The following ALK variants were observed in gnomAD, a reference collection of about 807,000 sequenced individuals.
The protein encoded by ALK is ALK tyrosine kinase receptor.
ALK carries 74 observed loss-of-function variants against 163.1 expected under a neutral mutation model. The observed-to-expected ratio is 0.45, with a 90% CI of 0.38 to 0.55. ALK has a LOEUF of 0.55. ALK is among the 20% of genes least tolerant of loss of function. The pLI is 0.00. For synonymous variants in ALK, 960 were observed against 843.2 expected, an observed-to-expected ratio of 1.14 and a Z score of -2.40; for missense variants, 2,063 against 2,105.3, an observed-to-expected ratio of 0.98 and a Z score of 0.39.
Position 29,228,792 on chromosome 2 carries a change from CCAGGGGAGGG to C in ALK, c.2815+82_2815+91del, listed in dbSNP as rs372490690. On this transcript the variant is annotated intron_variant, in intron 16 of 28. Transcript: ENST00000389048. ...ACATCACAGTCCACACTTGGGCAGG[CCAGGGGAGGG>C]CAGGGGAGGGCAGGGCAGGGAGGTG... 6.4e-4 allele frequency: 552 copies of C among 860,438 alleles called. 8 individuals carry two copies. The East Asian group carries it at 9.2e-3, about 14-fold the overall frequency. The allele number at this position is 860,438 out of a possible 1,614,324, so 53.3% of individuals were successfully genotyped here. A position where few individuals can be genotyped will look rare whatever the true frequency, so the allele number is the denominator to read the frequency against.
At chr2:29,762,344 A>G (rs977462818) in intron 1 of ALK, among the ~76,000 whole-genome samples, 11 of 152,238 alleles carry the variant, frequency 7.2e-5, no homozygotes, top group African/African-American at 2.2e-4. Context: ...ACATTGTTCA[A>G]CTGTTTGACA....
chr2:29,674,964 A>G (rs1043479051), intron 3 of ALK, among the ~76,000 whole-genome samples: 1 of 146,084 alleles, frequency 6.8e-6, no homozygotes, highest in Non-Finnish European at 1.5e-5. Context: ...ATTTGCATAG[A>G]GGTGTTTGTA....
At chr2:29,543,835 G>C (rs1222817438) in intron 3 of ALK, among the ~76,000 whole-genome samples, 1 of 152,162 alleles carries the variant, frequency 6.6e-6, no homozygotes, top group Non-Finnish European at 1.5e-5. Flanking sequence ...TTGCTATTCA[G>C]AATTTGTTCC....
chr2:29,534,158 C>A (rs1313090021), intron 3 of ALK, among the ~76,000 whole-genome samples: 3 of 152,006 alleles, frequency 2.0e-5, no homozygotes, highest in Admixed American at 2.0e-4. Flanking sequence ...AATAGAGAGC[C>A]AGATATTTTG....
chr2:29,868,005 G>A (rs1666482228), intron 1 of ALK, among the ~76,000 whole-genome samples: 2 of 152,206 alleles, frequency 1.3e-5, no homozygotes, highest in African/African-American at 2.4e-5. Context: ...TGGAGAGCAA[G>A]GTGGCAGGAA....
chr2:29,546,383 C>T (rs576829320), intron 3 of ALK, among the ~76,000 whole-genome samples: 1 of 152,258 alleles, frequency 6.6e-6, no homozygotes, highest in East Asian at 1.9e-4. Flanking sequence ...TCCTTTTTCC[C>T]TAAGAGCTCA....
Position 29,748,048 on chromosome 2 carries a change from T to C in ALK, c.668-30351A>G, listed in dbSNP as rs573458312. ...CTAAGCTGATGAGATTGCCTACCTG[T>C]CTCCTCTGGGAAAACAAAAAAGCAG... On this transcript the variant is annotated intron_variant, in intron 1 of 28. Transcript: ENST00000389048. Among the ~76,000 whole-genome samples the C allele has an allele frequency of 2.0e-4, 30 of 152,230 alleles. No homozygotes were observed. The South Asian group carries it at 2.1e-3, about 11-fold the overall frequency.
intron 9 of ALK, among the ~76,000 whole-genome samples, chr2:29,282,792 T>C (rs1665749362): frequency 6.6e-6 from 1 of 152,152 alleles, no homozygotes; most frequent in South Asian, 2.1e-4. Flanking sequence ...ACTCAGACCC[T>C]TCCACATTCT....
At chr2:29,800,081 A>G (rs1321644241) in intron 1 of ALK, among the ~76,000 whole-genome samples, 1 of 152,238 alleles carries the variant, frequency 6.6e-6, no homozygotes, top group African/African-American at 2.4e-5. Flanking sequence ...TCTAAGAATG[A>G]TGACAGTCCG....
At chr2:29,529,855 C>A (rs1410897943) in intron 4 of ALK, among the ~76,000 whole-genome samples, 1 of 152,170 alleles carries the variant, frequency 6.6e-6, no homozygotes, top group South Asian at 2.1e-4. Flanking sequence ...TTCCTCTCTC[C>A]TGCTCAACTC....
chr2:29,890,895 A>G (rs1324170205), intron 1 of ALK: 1 of 152,208 alleles, frequency 6.6e-6, no homozygotes, highest in Non-Finnish European at 1.5e-5. Flanking sequence ...TTCTCAAAAC[A>G]TAATAAAAGA....
intron 4 of ALK, among the ~76,000 whole-genome samples, chr2:29,444,823 TCTC>T (rs1333217187): frequency 4.6e-5 from 7 of 152,250 alleles, no homozygotes; most frequent in African/African-American, 1.7e-4. Context: ...GCCCTGGAAG[TCTC>T]CTCTGCATCC....
intron 8 of ALK, among the ~76,000 whole-genome samples, chr2:29,311,193 G>A (rs1666685151): frequency 6.6e-6 from 1 of 152,224 alleles, no homozygotes; most frequent in Admixed American, 6.5e-5. Flanking sequence ...TAGATGAGGG[G>A]CAACCATAGT....
intron 1 of ALK, among the ~76,000 whole-genome samples, chr2:29,737,966 C>A (rs992777741): frequency 1.3e-5 from 2 of 151,916 alleles, no homozygotes; most frequent in African/African-American, 4.8e-5. Flanking sequence ...CAAGAGAGAG[C>A]AAGAGCAAAA....
chr2:29,439,241 G>T (rs542756279), intron 4 of ALK, among the ~76,000 whole-genome samples: 1 of 152,196 alleles, frequency 6.6e-6, no homozygotes, highest in South Asian at 2.1e-4. Context: ...AATAGAACAG[G>T]TGACAATTGT....
intron 3 of ALK, among the ~76,000 whole-genome samples, chr2:29,643,943 G>A (rs907094636): frequency 1.3e-5 from 2 of 152,038 alleles, no homozygotes; most frequent in Admixed American, 6.6e-5. Context: ...AAAGACACAT[G>A]CACACGTATG....
At chr2:29,871,578 C>T (rs1474182255) in intron 1 of ALK, among the ~76,000 whole-genome samples, 1 of 152,106 alleles carries the variant, frequency 6.6e-6, no homozygotes, top group African/African-American at 2.4e-5. Flanking sequence ...TTCTAGAATC[C>T]ACTCTCAACC....
intron 3 of ALK, among the ~76,000 whole-genome samples, chr2:29,675,537 A>C (rs1037702800): frequency 3.3e-5 from 5 of 152,018 alleles, no homozygotes; most frequent in African/African-American, 1.2e-4. Context: ...CCGAACCCTC[A>C]GTACCTTGAA....
chr2:29,757,367 A>G (rs1680565242), intron 1 of ALK, among the ~76,000 whole-genome samples: 1 of 152,166 alleles, frequency 6.6e-6, no homozygotes, highest in Non-Finnish European at 1.5e-5. Flanking sequence ...AGGCATGGAA[A>G]GGTTAACCAC....
Sources: allele counts gnomAD v4.1 joint callset (sites outside exome capture counted in the v4.1 genomes callset), GRCh38; gene constraint gnomAD v4.1.1; transcripts MANE v1.5; gene names NCBI Gene and HGNC (gene_info 2026-07-23, HGNC 2026-07-21).